The following SCAPER variants were observed in gnomAD, a reference collection of about 807,000 sequenced individuals.
The protein encoded by SCAPER is S phase cyclin A-associated protein in the endoplasmic reticulum.
SCAPER carries 98 observed loss-of-function variants against 182.2 expected under a neutral mutation model. The observed-to-expected ratio is 0.54, with a 90% CI of 0.46 to 0.64. The LOEUF is 0.64. Ranked by LOEUF, SCAPER falls within the 30% of genes least tolerant of loss-of-function variation. The pLI, the probability that SCAPER is intolerant of heterozygous loss-of-function variation, is 0.00. For missense variants in SCAPER, 1,432 were observed against 1,690.0 expected, an observed-to-expected ratio of 0.85 and a Z score of 2.68; for synonymous variants, 605 against 564.6, an observed-to-expected ratio of 1.07 and a Z score of -1.01.
intron 24 of SCAPER, among the ~76,000 whole-genome samples, chr15:76,486,151 G>A (rs979161878): frequency 3.9e-5 from 6 of 152,058 alleles, no homozygotes; most frequent in Non-Finnish European, 8.8e-5. Flanking sequence ...AGCTTGCAGT[G>A]AGCCGAGATC....
At chr15:76,353,541 T>C (rs1055510833) in intron 30 of SCAPER, among the ~76,000 whole-genome samples, 4 of 152,228 alleles carry the variant, frequency 2.6e-5, no homozygotes, top group African/African-American at 7.2e-5. Context: ...AAGAAAATCA[T>C]ATTTATTTAA....
chr15:76,783,715 T>G (rs566320835), intron 8 of SCAPER, among the ~76,000 whole-genome samples: 1 of 152,322 alleles, frequency 6.6e-6, no homozygotes, highest in Non-Finnish European at 1.5e-5. Context: ...ATCCCTGGGA[T>G]GCAAGGCTGG....
intron 24 of SCAPER, among the ~76,000 whole-genome samples, chr15:76,484,300 A>G (rs1309837826): frequency 1.3e-5 from 2 of 152,160 alleles, no homozygotes; most frequent in African/African-American, 2.4e-5. Flanking sequence ...AAACTATACA[A>G]ACAGTAAAAA....
chr15:76,818,754 G>A (rs777590919), intron 5 of SCAPER, among the ~76,000 whole-genome samples: 4 of 152,258 alleles, frequency 2.6e-5, no homozygotes, highest in African/African-American at 7.2e-5. Flanking sequence ...GACAGTGGGT[G>A]CAGCGCACCG....
intron 10 of SCAPER, 124 bp downstream of exon 10, chr15:76,771,618 G>A: frequency 1.5e-6 from 1 of 670,122 alleles, no homozygotes; most frequent in Non-Finnish European, 2.4e-6. Context: ...ATGTTAAAAT[G>A]AAATAAATAT....
chr15:76,460,490 C>A (rs2049082517), intron 25 of SCAPER, among the ~76,000 whole-genome samples: 1 of 152,060 alleles, frequency 6.6e-6, no homozygotes, highest in Non-Finnish European at 1.5e-5. Context: ...TAAGATCATG[C>A]CAACTGCAAA....
At chr15:76,504,094 C>T (rs957204887) in intron 24 of SCAPER, among the ~76,000 whole-genome samples, 1 of 151,982 alleles carries the variant, frequency 6.6e-6, no homozygotes, top group Admixed American at 6.6e-5. Context: ...CGCTACATTG[C>T]CCAGGCTAGC....
At chr15:76,786,722 G>A (rs2064637992) in intron 8 of SCAPER, among the ~76,000 whole-genome samples, 1 of 152,064 alleles carries the variant, frequency 6.6e-6, no homozygotes, top group South Asian at 2.1e-4. Context: ...AAATAAAACT[G>A]TCCCTATTTT....
chr15:76,799,097 T>C (rs1444049840), intron 7 of SCAPER, among the ~76,000 whole-genome samples: 1 of 152,176 alleles, frequency 6.6e-6, no homozygotes, highest in Admixed American at 6.5e-5. Flanking sequence ...GCTTGTAATA[T>C]ATAAATAATG....
At chr15:76,597,245 C>T (rs150583865) in intron 22 of SCAPER, among the ~76,000 whole-genome samples, 1 of 121,528 alleles carries the variant, frequency 8.2e-6, no homozygotes, top group African/African-American at 2.5e-5. Context: ...AAACAACTTA[C>T]ACGGGATGTG....
chr15:76,562,885 T>C (rs1319621506), intron 23 of SCAPER, among the ~76,000 whole-genome samples: 2 of 152,082 alleles, frequency 1.3e-5, no homozygotes, highest in Admixed American at 6.6e-5. Flanking sequence ...ATTCATACAA[T>C]GGCACATTAT....
chr15:76,765,638 C>A lies in SCAPER; in HGVS notation c.1420G>T (p.Ala474Ser). Residue 474 changes from alanine to serine, a missense_variant and splice_region_variant, in exon 12 of 32, where the codon GCC (alanine) becomes TCC (serine). Around this residue, in one of 5 missense-constraint regions of SCAPER, gnomAD observed 128 missense variants for 149.9 expected, o/e 0.85. Coordinates refer to ENST00000563290, the MANE Select transcript of SCAPER (RefSeq NM_020843.4). ...GAAACACTCCCACTGCCCATGCTGG[C>A]CTAAAATGTAATAAGGGAAGTTGAA... ...IETDNDSDFS[A>S]SMGSGSVSFC... 6.4e-7 allele frequency: 1 copy of A among 1,571,852 alleles called. No individual in the cohort carries two copies. The highest frequency in any genetic ancestry group is 1.2e-5 in the South Asian group (1 of 85,626).
At chr15:76,826,436 T>A in intron 5 of SCAPER, among the ~76,000 whole-genome samples, 1 of 136,870 alleles carries the variant, frequency 7.3e-6, no homozygotes, top group African/African-American at 2.7e-5. Flanking sequence ...GGGGGAGGGA[T>A]AGCATTGGGA....
chr15:76,591,775 T>C (rs1021312802), intron 22 of SCAPER, among the ~76,000 whole-genome samples: 13 of 152,340 alleles, frequency 8.5e-5, no homozygotes, highest in African/African-American at 2.2e-4. Flanking sequence ...ATTAAAAATA[T>C]AGGCTGGGCC....
At chr15:76,865,903 G>T (rs1383202257) in intron 2 of SCAPER, among the ~76,000 whole-genome samples, 1 of 151,946 alleles carries the variant, frequency 6.6e-6, no homozygotes, top group Non-Finnish European at 1.5e-5. Context: ...ACTCATTAAG[G>T]TCTTTCACTG....
At chr15:76,616,178 C>A (rs76293206) in intron 22 of SCAPER, among the ~76,000 whole-genome samples, 5,584 of 152,158 alleles carry the variant, frequency 0.037, 145 homozygotes, top group Non-Finnish European at 0.054. Flanking sequence ...TATTTGTATA[C>A]CCATGTTCAC....
chr15:76,680,971 C>A (rs775663333), intron 20 of SCAPER, among the ~76,000 whole-genome samples: 1 of 152,092 alleles, frequency 6.6e-6, no homozygotes, highest in Non-Finnish European at 1.5e-5. Flanking sequence ...CAATTAAAAT[C>A]AGAGATTTCA....
intron 5 of SCAPER, among the ~76,000 whole-genome samples, chr15:76,822,516 T>A (rs1190374478): frequency 6.6e-6 from 1 of 152,228 alleles, no homozygotes; most frequent in East Asian, 1.9e-4. Context: ...ATACAACATT[T>A]CCACTGACAC....
At chr15:76,869,030 A>G (rs2072506118) in intron 2 of SCAPER, among the ~76,000 whole-genome samples, 1 of 152,242 alleles carries the variant, frequency 6.6e-6, no homozygotes, top group Non-Finnish European at 1.5e-5. Flanking sequence ...CACCCTATTC[A>G]ATAAATGGTG....
Sources: allele counts gnomAD v4.1 joint callset (sites outside exome capture counted in the v4.1 genomes callset), GRCh38; gene constraint gnomAD v4.1.1; regional missense constraint gnomAD v4.1.1; transcripts MANE v1.5; gene names NCBI Gene and HGNC (gene_info 2026-07-23, HGNC 2026-07-21).